Variants in CWC27 observed in about 807,000 individuals in gnomAD.
CWC27 encodes the protein spliceosome-associated protein CWC27 homolog.
In CWC27, 47 loss-of-function variants were observed where a neutral mutation model predicts 63.6. That is an observed-to-expected ratio of 0.74 (90% CI 0.58 to 0.94). The LOEUF (loss-of-function observed/expected upper bound fraction) is 0.94, where lower values mean the gene tolerates loss of function less well. Among genes scored for constraint, CWC27 ranks in the 40% least tolerant of loss-of-function variants. The probability of loss-of-function intolerance (pLI) is 0.00; values close to 1 mark genes in which losing one functional copy is unlikely to be tolerated. For missense variants in CWC27, 495 were observed against 554.3 expected, an observed-to-expected ratio of 0.89 and a Z score of 1.07; for synonymous variants, 175 against 179.8, an observed-to-expected ratio of 0.97 and a Z score of 0.22.
chr5:64,967,240 C>T (rs574406134), intron 11 of CWC27, among the ~76,000 whole-genome samples: 1 of 151,994 alleles, frequency 6.6e-6, no homozygotes, highest in Admixed American at 6.6e-5. Context: ...CACACCAGCA[C>T]CATGACTGTA....
chr5:64,913,706 C>A (rs1747836396), intron 11 of CWC27, among the ~76,000 whole-genome samples: 1 of 151,994 alleles, frequency 6.6e-6, no homozygotes, highest in Non-Finnish European at 1.5e-5. Context: ...TAAAGATTAT[C>A]TATAAAATGG....
At chr5:64,811,889 C>T (rs985748325) in intron 10 of CWC27, among the ~76,000 whole-genome samples, 1 of 151,972 alleles carries the variant, frequency 6.6e-6, no homozygotes, top group Admixed American at 6.6e-5. Flanking sequence ...CTTCTAAGGT[C>T]TGGATGAACA....
chr5:65,016,136 T>C (rs972333594), intron 13 of CWC27, among the ~76,000 whole-genome samples: 9 of 152,182 alleles, frequency 5.9e-5, no homozygotes, highest in African/African-American at 2.2e-4. Context: ...AGTTAGAGAT[T>C]GTCTTACTTT....
At chr5:64,889,663 C>T (rs1032692419) in intron 11 of CWC27, among the ~76,000 whole-genome samples, 3 of 152,160 alleles carry the variant, frequency 2.0e-5, no homozygotes, top group East Asian at 1.9e-4. Flanking sequence ...CGGTGGCTCA[C>T]GCCTGTAATC....
intron 11 of CWC27, among the ~76,000 whole-genome samples, chr5:64,910,556 G>A (rs1747763229): frequency 6.6e-6 from 1 of 152,240 alleles, no homozygotes; most frequent in African/African-American, 2.4e-5. Context: ...TGCCCCCAGA[G>A]GTGGAGTCTA....
chr5:65,011,744 T>C (rs1749960040), intron 13 of CWC27, among the ~76,000 whole-genome samples: 1 of 152,210 alleles, frequency 6.6e-6, no homozygotes, highest in Non-Finnish European at 1.5e-5. Context: ...AAGGTAGTCC[T>C]TAGTAATTCG....
chr5:64,874,179 T>TTTTA (rs1746741267), intron 10 of CWC27, among the ~76,000 whole-genome samples: 1 of 57,526 alleles, frequency 1.7e-5, no homozygotes, highest in African/African-American at 6.8e-5. Flanking sequence ...TTTTTTTTTT[T>TTTTA]GAGACAGAGT....
chr5:64,837,723 C>T (rs771224661), intron 10 of CWC27, among the ~76,000 whole-genome samples: 11 of 151,776 alleles, frequency 7.2e-5, no homozygotes, highest in Non-Finnish European at 1.2e-4. Flanking sequence ...GGGGGTCTCT[C>T]TTATTTAGAG....
At chr5:64,780,666 A>G (rs961152623) in intron 2 of CWC27, among the ~76,000 whole-genome samples, 6 of 138,510 alleles carry the variant, frequency 4.3e-5, no homozygotes, top group African/African-American at 1.6e-4. Flanking sequence ...ATATAAACAT[A>G]TATATCACTT....
chr5:64,992,208 T>G (rs1175506425), intron 13 of CWC27, among the ~76,000 whole-genome samples: 1 of 152,210 alleles, frequency 6.6e-6, no homozygotes, highest in Non-Finnish European at 1.5e-5. Flanking sequence ...CTGTCGCAGA[T>G]TTGTTTCTCA....
intron 11 of CWC27, among the ~76,000 whole-genome samples, chr5:64,902,636 A>G (rs1200440031): frequency 1.3e-5 from 2 of 152,154 alleles, no homozygotes; most frequent in East Asian, 1.9e-4. Flanking sequence ...CTATGGTTTT[A>G]TAAGTCTTGA....
At chr5:64,933,648 A>G (rs180970783) in intron 11 of CWC27, among the ~76,000 whole-genome samples, 1 of 151,990 alleles carries the variant, frequency 6.6e-6, no homozygotes, top group African/African-American at 2.4e-5. Context: ...ATGCACCACC[A>G]TGCCTGGCTA....
intron 10 of CWC27, among the ~76,000 whole-genome samples, chr5:64,839,590 G>A (rs1442255685): frequency 2.0e-5 from 3 of 152,142 alleles, no homozygotes; most frequent in African/African-American, 4.8e-5. Context: ...TGAGGGCAGG[G>A]CACTGTAAAA....
At chr5:64,842,274 A>G (rs1357322270) in intron 10 of CWC27, among the ~76,000 whole-genome samples, 1 of 152,010 alleles carries the variant, frequency 6.6e-6, no homozygotes, top group Non-Finnish European at 1.5e-5. Context: ...GTAGGCTTCA[A>G]TCTGGCCTTT....
chr5:64,878,686 G>A (rs1281595735), intron 10 of CWC27, among the ~76,000 whole-genome samples: 1 of 151,692 alleles, frequency 6.6e-6, no homozygotes, highest in Non-Finnish European at 1.5e-5. Flanking sequence ...GAAGATTTTA[G>A]TAGACAGAAA....
At chr5:64,967,275 G>A (rs1749034134) in intron 11 of CWC27, among the ~76,000 whole-genome samples, 1 of 151,988 alleles carries the variant, frequency 6.6e-6, no homozygotes, top group Non-Finnish European at 1.5e-5. Context: ...CCAAAAGGAT[G>A]TATTATAGAC....
At chr5:64,771,086 C>A (rs1743238292) in intron 1 of CWC27, among the ~76,000 whole-genome samples, 1 of 152,184 alleles carries the variant, frequency 6.6e-6, no homozygotes, top group African/African-American at 2.4e-5. Context: ...TAAATACTAT[C>A]TTCTGAACAG....
intron 10 of CWC27, among the ~76,000 whole-genome samples, chr5:64,841,895 G>T (rs1745852886): frequency 6.6e-6 from 1 of 151,966 alleles, no homozygotes; most frequent in Non-Finnish European, 1.5e-5. Context: ...GGTCAGGCTG[G>T]TCTCGAACTC....
intron 13 of CWC27, among the ~76,000 whole-genome samples, chr5:64,985,557 G>A (rs566831298): frequency 6.6e-6 from 1 of 152,072 alleles, no homozygotes; most frequent in Admixed American, 6.5e-5. Flanking sequence ...ATTTTGGTTT[G>A]CAATTGTTTG....
Sources: allele counts gnomAD v4.1 joint callset (sites outside exome capture counted in the v4.1 genomes callset), GRCh38; gene constraint gnomAD v4.1.1; transcripts MANE v1.5; gene names NCBI Gene and HGNC (gene_info 2026-07-23, HGNC 2026-07-21).